Variants in IL19 observed in about 807,000 individuals in gnomAD.
IL19 encodes the protein interleukin 19.
IL19 carries 15 observed loss-of-function variants against 19.5 expected under a neutral mutation model. That is an observed-to-expected ratio of 0.77 (90% CI 0.52 to 1.19). IL19 has a LOEUF of 1.19. Among genes scored for constraint, IL19 ranks in the 50% most tolerant of loss-of-function variants. The pLI, the probability that IL19 is intolerant of heterozygous loss-of-function variation, is 0.00. For synonymous variants in IL19, 78 were observed against 78.3 expected (o/e 1.00, Z 0.02); for missense variants, 199 against 213.1 (o/e 0.93, Z 0.41).
intron 2 of IL19, among the ~76,000 whole-genome samples, chr1:206,835,386 C>G (rs1321736304): frequency 6.6e-6 from 1 of 152,186 alleles, no homozygotes; most frequent in Non-Finnish European, 1.5e-5. Flanking sequence ...GTGGTAAGGT[C>G]TTGACATACA....
intron 1 of IL19, among the ~76,000 whole-genome samples, chr1:206,779,856 C>A (rs971886352): frequency 1.4e-5 from 2 of 145,582 alleles, no homozygotes; most frequent in South Asian, 2.2e-4. Flanking sequence ...CTCTCTCTCT[C>A]TTTTTTTTTT....
chr1:206,820,056 T>C (rs1676256598), intron 2 of IL19, among the ~76,000 whole-genome samples: 1 of 152,174 alleles, frequency 6.6e-6, no homozygotes, highest in Non-Finnish European at 1.5e-5. Flanking sequence ...CTTATATTTA[T>C]CCCTCCTAAA....
intron 2 of IL19, among the ~76,000 whole-genome samples, chr1:206,820,819 G>T (rs919183620): frequency 6.6e-6 from 1 of 152,084 alleles, no homozygotes; most frequent in Non-Finnish European, 1.5e-5. Context: ...TCCCCACCCC[G>T]CTTTCAAACA....
At chr1:206,805,357 T>C (rs77635647) in intron 2 of IL19, among the ~76,000 whole-genome samples, 2,154 of 152,342 alleles carry the variant, frequency 0.014, 30 homozygotes, top group Middle Eastern at 0.075. Context: ...AGTTAAGTGA[T>C]AGATTCAGGA....
intron 1 of IL19, among the ~76,000 whole-genome samples, chr1:206,791,310 T>G (rs1675397561): frequency 6.6e-6 from 1 of 151,510 alleles, no homozygotes; most frequent in Admixed American, 6.6e-5. Flanking sequence ...GGTTTTTTTT[T>G]TTTTTTTTTT....
chr1:206,819,142 T>A (rs1310975455), intron 2 of IL19, among the ~76,000 whole-genome samples: 1 of 152,076 alleles, frequency 6.6e-6, no homozygotes, highest in Non-Finnish European at 1.5e-5. Flanking sequence ...GGTCTTGCTG[T>A]GTTGCTTGGG....
intron 1 of IL19, chr1:206,772,488 G>C: frequency 2.6e-6 from 4 of 1,548,124 alleles, no homozygotes; most frequent in Non-Finnish European, 3.6e-6. Flanking sequence ...GCAAGCCCCT[G>C]ATGTGTAGAC....
intron 1 of IL19, among the ~76,000 whole-genome samples, chr1:206,779,797 C>A (rs1349879633): frequency 4.6e-5 from 7 of 152,070 alleles, no homozygotes; most frequent in African/African-American, 1.7e-4. Flanking sequence ...CCTCTGCACT[C>A]CAGCCTCATT....
chr1:206,805,477 G>A (rs1267367858), intron 2 of IL19, among the ~76,000 whole-genome samples: 2 of 152,218 alleles, frequency 1.3e-5, no homozygotes, highest in Non-Finnish European at 2.9e-5. Flanking sequence ...ACTAGAGCAA[G>A]CCATTATAAA....
chr1:206,840,909 G>A, intron 5 of IL19, 95 bp from the exon 6 acceptor site: 2 of 964,870 alleles, frequency 2.1e-6, no homozygotes, highest in Non-Finnish European at 3.3e-6. Context: ...CTGTGGGAGG[G>A]AGGAGAAATG....
intron 4 of IL19, 105 bp downstream of exon 4, chr1:206,837,128 C>T (rs528764616): frequency 1.8e-4 from 164 of 897,194 alleles, no homozygotes; most frequent in Middle Eastern, 8.9e-4. Context: ...TCCTAATCTC[C>T]AATGTACTCT....
chr1:206,777,230 CAAAAAA>C (rs750939092), intron 1 of IL19, among the ~76,000 whole-genome samples: 1 of 6,132 alleles, frequency 1.6e-4, no homozygotes, highest in Non-Finnish European at 3.6e-4. Context: ...GACTCCGTCT[CAAAAAA>C]AAAAAAAAAA....
chr1:206,770,777 T>C lies in IL19; in HGVS notation c.-450T>C, dbSNP rs1257870962. 6 of 942,194 alleles carry C rather than the reference T, an allele frequency of 6.4e-6. No homozygotes were observed. The highest frequency in any genetic ancestry group is 2.4e-5 in the East Asian group (1 of 41,730). 58.4% of individuals were successfully genotyped at this position (942,194 alleles called of 1,614,324 possible). A position where few individuals can be genotyped will look rare whatever the true frequency, so the allele number is the denominator to read the frequency against. On this transcript the variant is annotated 5_prime_UTR_variant, in exon 1 of 7. Transcript: ENST00000659997. ...AGCAAGAGATCTGACTCCAGGAGTC[T>C]TTCCTCATTTACAGCTAGCTCTGCC...
At chr1:206,777,171 C>T (rs1675028174) in intron 1 of IL19, among the ~76,000 whole-genome samples, 2 of 139,556 alleles carry the variant, frequency 1.4e-5, no homozygotes, top group African/African-American at 5.4e-5. Context: ...GCGGAGCTTG[C>T]AGTGAGCCGA....
chr1:206,823,136 G>A (rs1430269320), intron 2 of IL19, among the ~76,000 whole-genome samples: 1 of 151,894 alleles, frequency 6.6e-6, no homozygotes, highest in African/African-American at 2.4e-5. Flanking sequence ...CTCCATGTTG[G>A]CCAGGCTGGT....
At chr1:206,821,440 T>C (rs1171045529) in intron 2 of IL19, among the ~76,000 whole-genome samples, 2 of 152,258 alleles carry the variant, frequency 1.3e-5, no homozygotes, top group East Asian at 3.8e-4. Context: ...CTTTCAGGTG[T>C]AGAGCTGTCT....
intron 1 of IL19, among the ~76,000 whole-genome samples, chr1:206,797,131 A>C (rs1156736483): frequency 6.6e-6 from 1 of 152,218 alleles, no homozygotes. Context: ...GCTGCGGGAC[A>C]GGATGTGAAC....
chr1:206,815,722 T>A (rs12046559), intron 2 of IL19, among the ~76,000 whole-genome samples: 1 of 151,808 alleles, frequency 6.6e-6, no homozygotes, highest in Non-Finnish European at 1.5e-5. Flanking sequence ...AGCAACTATA[T>A]AAAAGAGACA....
At chr1:206,830,223 C>G (rs1241214481) in intron 2 of IL19, among the ~76,000 whole-genome samples, 1 of 152,124 alleles carries the variant, frequency 6.6e-6, no homozygotes, top group Non-Finnish European at 1.5e-5. Flanking sequence ...TGGTTCACTT[C>G]TCTATTTCTT....
Sources: gnomAD v4.1 joint callset for allele counts (sites outside exome capture counted in the v4.1 genomes callset) on GRCh38, gnomAD v4.1.1 for gene constraint, MANE v1.5 for transcripts, NCBI Gene and HGNC (gene_info 2026-07-23, HGNC 2026-07-21) for gene names.